The following LDB3 variants were observed in gnomAD, a reference collection of about 807,000 sequenced individuals.
LDB3 encodes LIM domain binding 3.
A neutral mutation model predicts 69.0 loss-of-function variants in LDB3; 49 were observed. That is an observed-to-expected ratio of 0.71 (90% CI 0.56 to 0.90). The LOEUF is 0.90. Ranked by LOEUF, LDB3 falls within the 40% of genes least tolerant of loss-of-function variation. LDB3 has a pLI of 0.00. For synonymous variants in LDB3, 387 were observed against 396.2 expected, an observed-to-expected ratio of 0.98 and a Z score of 0.28; for missense variants, 928 against 974.1, an observed-to-expected ratio of 0.95 and a Z score of 0.63.
At position 86,681,737 on chromosome 10, in the gene LDB3, G is replaced by A; in HGVS notation, c.623G>A (p.Arg208Lys). 1 of 1,608,862 alleles carries A rather than the reference G, an allele frequency of 6.2e-7. No individual in the cohort carries two copies. The highest frequency in any genetic ancestry group is 8.5e-7 in the Non-Finnish European group (1 of 1,177,170). Residue 208 changes from arginine to lysine, a missense_variant, in exon 5 of 14, where the codon AGG becomes AAG. Physicochemically the swap from Arg to Lys is conservative, Grantham distance 26 (BLOSUM62 2). Coordinates refer to ENST00000361373, the MANE Select transcript of LDB3 (RefSeq NM_007078.3). The part of the protein sequence containing the change: ...PIGLYSAETL[R>K]EMAQMYQMSL... ...GGCCTGTACTCGGCAGAGACCCTGA[G>A]GGAGATGGCTCAGATGTACCAGATG...
At chr10:86,696,322 T>TG (rs1374863156) in intron 7 of LDB3, among the ~76,000 whole-genome samples, 2 of 111,910 alleles carry the variant, frequency 1.8e-5, no homozygotes, top group African/African-American at 9.0e-5. Flanking sequence ...ATTACCTCTC[T>TG]TTTTTGGATT....
intron 5 of LDB3, among the ~76,000 whole-genome samples, chr10:86,682,089 G>A (rs140216561): frequency 4.5e-4 from 69 of 152,318 alleles, no homozygotes; most frequent in Middle Eastern, 3.4e-3. Flanking sequence ...ATGTGGCCGA[G>A]CCAGTCCTGA....
intron 5 of LDB3, among the ~76,000 whole-genome samples, chr10:86,687,944 T>G (rs1321587041): frequency 1.3e-5 from 2 of 152,198 alleles, no homozygotes; most frequent in Non-Finnish European, 2.9e-5. Flanking sequence ...CAAACATTCA[T>G]GCAGACAGAC....
chr10:86,691,313 C>T (rs1845749546), intron 5 of LDB3, among the ~76,000 whole-genome samples: 1 of 152,206 alleles, frequency 6.6e-6, no homozygotes, highest in African/African-American at 2.4e-5. Flanking sequence ...CCAGAAATCC[C>T]CTGTCCCTAC....
chr10:86,672,792 G>A (rs1034955120), intron 2 of LDB3, among the ~76,000 whole-genome samples: 3 of 152,348 alleles, frequency 2.0e-5, no homozygotes, highest in African/African-American at 7.2e-5. Context: ...CTGGGTCCTG[G>A]GGAATGAATT....
At chr10:86,724,474 C>T (rs1009206312) in intron 12 of LDB3, among the ~76,000 whole-genome samples, 3 of 151,472 alleles carry the variant, frequency 2.0e-5, no homozygotes, top group East Asian at 2.0e-4. Flanking sequence ...TGTGGTGGCG[C>T]GTGCCTGCCC....
In LDB3 at chr10:86,687,290, C is replaced by T. The variant is rs778776671; in HGVS notation, c.690-4606C>T. On this transcript the variant is annotated intron_variant, in intron 5 of 13. Coordinates refer to ENST00000361373, the MANE Select transcript of LDB3 (RefSeq NM_007078.3). Reference sequence around the variant, plus strand: ...TTCAGTGGGTAAGCGCCTCCCTCCTCCACCGCCACTCAGTGCCTCCAGAGC... The same window carrying T: ...TTCAGTGGGTAAGCGCCTCCCTCCTTCACCGCCACTCAGTGCCTCCAGAGC... 2 of 1,611,858 alleles carry T rather than the reference C, an allele frequency of 1.2e-6. No homozygotes were observed. The highest frequency in any genetic ancestry group is 1.7e-6 in the Non-Finnish European group (2 of 1,178,178).
chr10:86,697,594 C>A (rs1846067573), intron 7 of LDB3, among the ~76,000 whole-genome samples: 1 of 141,768 alleles, frequency 7.1e-6, no homozygotes, highest in South Asian at 2.3e-4. Flanking sequence ...CACTCTGTCG[C>A]CCAGGCTGGA....
chr10:86,684,818 G>T (rs1051582157), intron 5 of LDB3, among the ~76,000 whole-genome samples: 1 of 152,214 alleles, frequency 6.6e-6, no homozygotes, highest in Non-Finnish European at 1.5e-5. Context: ...ACAGGCCCCC[G>T]ACAGGGCTGC....
chr10:86,693,809 T>C (rs1173912385), intron 7 of LDB3, among the ~76,000 whole-genome samples: 1 of 152,238 alleles, frequency 6.6e-6, no homozygotes, highest in African/African-American at 2.4e-5. Context: ...GCTGCTCCCA[T>C]GCTTGTCTTG....
intron 6 of LDB3, 99 bp from the exon 7 acceptor site, chr10:86,692,436 G>A: frequency 8.2e-7 from 1 of 1,218,486 alleles, no homozygotes; most frequent in Non-Finnish European, 1.2e-6. Flanking sequence ...ACCGTGTGGG[G>A]CCTGGCTGAA....
At chr10:86,679,618 C>A in intron 3 of LDB3, 100 bp downstream of exon 3, 1 of 1,329,432 alleles carries the variant, frequency 7.5e-7, no homozygotes. Context: ...GTGGGCCCCG[C>A]CCTGGGCTAC....
At chr10:86,726,080 T>A (rs1018681640) in intron 12 of LDB3, 57 bp from the exon 13 acceptor site, 18 of 1,306,390 alleles carry the variant, frequency 1.4e-5, no homozygotes, top group Middle Eastern at 4.8e-4. Flanking sequence ...TTGTCTTGGC[T>A]TTGGGTCCCC....
intron 9 of LDB3, among the ~76,000 whole-genome samples, chr10:86,715,562 A>G (rs1054108836): frequency 5.3e-5 from 8 of 152,162 alleles, no homozygotes; most frequent in Non-Finnish European, 1.2e-4. Context: ...CTGCCTGGGC[A>G]ATCTTTAGAC....
intron 9 of LDB3, among the ~76,000 whole-genome samples, chr10:86,710,797 A>G (rs1445087049): frequency 1.3e-5 from 2 of 152,226 alleles, no homozygotes; most frequent in African/African-American, 4.8e-5. Context: ...CTCTGACAGC[A>G]GGGCTGAGTG....
In LDB3 at chr10:86,710,068, A is replaced by C. The variant is rs1350612299; in HGVS notation, c.1231+18A>C. 1 of 1,611,388 alleles carries C rather than the reference A, an allele frequency of 6.2e-7. No homozygotes were observed. The highest frequency in any genetic ancestry group is 8.5e-7 in the Non-Finnish European group (1 of 1,179,818). ...CCAGCCAGGTAAGAGGCAGAGCAGG[A>C]GGGGAGGCTGTCGAAAGCCATGGGC... On this transcript the variant is annotated intron_variant, in intron 9 of 13. Coordinates refer to ENST00000361373, the MANE Select transcript of LDB3 (RefSeq NM_007078.3).
intron 12 of LDB3, among the ~76,000 whole-genome samples, chr10:86,725,043 T>C (rs1429666270): frequency 2.6e-5 from 4 of 152,200 alleles, no homozygotes; most frequent in East Asian, 3.8e-4. Context: ...AGACAATGAA[T>C]GGACATACTA....
At chr10:86,701,236 T>C (rs1195847808) in intron 7 of LDB3, among the ~76,000 whole-genome samples, 2 of 152,172 alleles carry the variant, frequency 1.3e-5, no homozygotes, top group Non-Finnish European at 2.9e-5. Context: ...ACAGAGGACT[T>C]GCAAGGCCCA....
chr10:86,718,380 G>A (rs951437145), intron 11 of LDB3, among the ~76,000 whole-genome samples: 3 of 152,214 alleles, frequency 2.0e-5, no homozygotes. Context: ...CTTCTGCAAA[G>A]CAAGTGGTTG....
Sources: allele counts gnomAD v4.1 joint callset (sites outside exome capture counted in the v4.1 genomes callset), GRCh38; gene constraint gnomAD v4.1.1; transcripts MANE v1.5; gene names NCBI Gene and HGNC (gene_info 2026-07-23, HGNC 2026-07-21).